Variants in ZNF804B observed in about 807,000 individuals in gnomAD.
The protein encoded by ZNF804B is zinc finger protein 804B.
In ZNF804B, 80 loss-of-function variants were observed where a neutral mutation model predicts 101.4. That is an observed-to-expected ratio of 0.79 (90% CI 0.66 to 0.95). The LOEUF is 0.95. Ranked by LOEUF, ZNF804B falls within the 40% of genes least tolerant of loss-of-function variation. The probability of loss-of-function intolerance (pLI) is 0.00; values close to 1 mark genes in which losing one functional copy is unlikely to be tolerated. For missense variants in ZNF804B, 1,673 were observed against 1,561.9 expected, an observed-to-expected ratio of 1.07 and a Z score of -1.20; for synonymous variants, 622 against 558.8, an observed-to-expected ratio of 1.11 and a Z score of -1.59.
intron 1 of ZNF804B, among the ~76,000 whole-genome samples, chr7:88,803,543 A>G (rs1443600458): frequency 6.6e-6 from 1 of 152,148 alleles, no homozygotes; most frequent in African/African-American, 2.4e-5. Context: ...GGTAGACAAG[A>G]CCTGATTCAC....
chr7:88,968,307 A>G (rs908561011), intron 1 of ZNF804B, among the ~76,000 whole-genome samples: 9 of 151,578 alleles, frequency 5.9e-5, no homozygotes, highest in Non-Finnish European at 1.3e-4. Context: ...GGCAGAAATT[A>G]GTGCACATGT....
intron 1 of ZNF804B, among the ~76,000 whole-genome samples, chr7:89,139,609 T>C (rs1451963595): frequency 6.6e-6 from 1 of 151,838 alleles, no homozygotes; most frequent in Non-Finnish European, 1.5e-5. Flanking sequence ...AGATTACATC[T>C]CAAAAAAAAG....
At chr7:89,067,634 C>T (rs1789472997) in intron 1 of ZNF804B, among the ~76,000 whole-genome samples, 1 of 152,042 alleles carries the variant, frequency 6.6e-6, no homozygotes, top group African/African-American at 2.4e-5. Flanking sequence ...TCTTGGAATT[C>T]ATACTCATTA....
intron 1 of ZNF804B, among the ~76,000 whole-genome samples, chr7:89,004,341 C>T (rs1788339147): frequency 6.6e-6 from 1 of 151,540 alleles, no homozygotes; most frequent in East Asian, 1.9e-4. Context: ...TTTGGAATCT[C>T]ATGAATAATT....
Position 89,131,375 on chromosome 7 carries a change from T to C in ZNF804B, c.109-86780T>C, listed in dbSNP as rs374319949. 9.2e-5 allele frequency among the ~76,000 whole-genome samples: 14 copies of C among 152,118 alleles called. No individual in the cohort carries two copies. In the East Asian group the frequency reaches 1.7e-3, roughly 19 times the overall value. Reference sequence around the variant, plus strand: ...TATTTTGATTTTAGAAGACAGATATTAGTGAGAAGTAATAAAATATTGCCA... The same window carrying C: ...TATTTTGATTTTAGAAGACAGATATCAGTGAGAAGTAATAAAATATTGCCA... On this transcript the variant is annotated intron_variant, in intron 1 of 3. Transcript: ENST00000333190.
intron 3 of ZNF804B, among the ~76,000 whole-genome samples, chr7:89,331,926 A>T (rs866763542): frequency 6.6e-6 from 1 of 151,546 alleles, no homozygotes; most frequent in Non-Finnish European, 1.5e-5. Context: ...TTAAATTGAA[A>T]GTGCCCAAGA....
At chr7:89,131,161 C>T (rs1790540838) in intron 1 of ZNF804B, among the ~76,000 whole-genome samples, 2 of 151,936 alleles carry the variant, frequency 1.3e-5, no homozygotes, top group African/African-American at 4.8e-5. Flanking sequence ...ATCAAATTGA[C>T]TTTATGCAGC....
At chr7:89,321,040 G>A (rs1033718230) in intron 2 of ZNF804B, among the ~76,000 whole-genome samples, 2 of 152,054 alleles carry the variant, frequency 1.3e-5, no homozygotes, top group African/African-American at 4.8e-5. Flanking sequence ...AATGCATCAA[G>A]TAAAATAATA....
At chr7:89,117,423 CT>C (rs536180539) in intron 1 of ZNF804B, among the ~76,000 whole-genome samples, 363 of 152,158 alleles carry the variant, frequency 2.4e-3, no homozygotes, top group Non-Finnish European at 3.7e-3. Context: ...GAAAATTTTC[CT>C]TCTAAGTTTC....
chr7:89,333,570 T>C lies in ZNF804B; in HGVS notation c.588T>C (p.Arg196=). 6.2e-7 allele frequency: 1 copy of C among 1,613,520 alleles called. No homozygotes were observed. The highest frequency in any genetic ancestry group is 8.5e-7 in the Non-Finnish European group (1 of 1,179,642). ...GACACCAATTACAATCAGACAGGCG[T>C]TGTTTGTTTGGAAATCAGGTACTGC... is the stretch of plus-strand genomic sequence containing the variant. ...PNRHQLQSDR[R]CLFGNQVLQT... Residue 196 remains arginine (R), a synonymous_variant, in exon 4 of 4, where the codon CGT becomes CGC. Coordinates refer to ENST00000333190, the MANE Select transcript of ZNF804B (RefSeq NM_181646.5).
Position 88,909,472 on chromosome 7 carries a change from T to TA in ZNF804B, c.108+149396dup, listed in dbSNP as rs1236900432. 4.6e-5 allele frequency among the ~76,000 whole-genome samples: 7 copies of TA among 151,748 alleles called. No individual in the cohort carries two copies. The South Asian group carries it at 1.0e-3, about 23-fold the overall frequency. ...AGGGTAGGTCTTTAAATAGGTGATT[T>TA]AAAAAAAATCTTCCTCTTTGTTTTT... On this transcript the variant is annotated intron_variant, in intron 1 of 3. Transcript: ENST00000333190.
rs55841922 is a variant in ZNF804B at position 88,857,822 on chromosome 7, C to CTTTTTTTTTTTTTTTTTTTTT, written c.108+97747_108+97767dup. 1.1e-4 allele frequency among the ~76,000 whole-genome samples: 9 copies of CTTTTTTTTTTTTTTTTTTTTT among 81,472 alleles called. 1 individual carries two copies. Among genetic ancestry groups the CTTTTTTTTTTTTTTTTTTTTT allele is most frequent in the African/African-American group, 3.2e-4 (6 of 18,868 alleles). The allele number at this position is 81,472 out of a possible 152,430, so 53.4% of individuals were successfully genotyped here. A position where few individuals can be genotyped will look rare whatever the true frequency, so the allele number is the denominator to read the frequency against. On this transcript the variant is annotated intron_variant, in intron 1 of 3. Coordinates refer to ENST00000333190, the MANE Select transcript of ZNF804B (RefSeq NM_181646.5). ...CTTTCTTTCTCCTTTCCTTTCTTTT[C>CTTTTTTTTTTTTTTTTTTTTT]TTTTTTTTTTTTTTTTTTTTTTTTT...
intron 1 of ZNF804B, among the ~76,000 whole-genome samples, chr7:88,832,691 C>T (rs1426018117): frequency 5.3e-5 from 8 of 151,642 alleles, no homozygotes; most frequent in African/African-American, 1.7e-4. Flanking sequence ...ATTGTTTGGC[C>T]GAAGATGTGT....
At chr7:88,890,201 A>G (rs529182628) in intron 1 of ZNF804B, among the ~76,000 whole-genome samples, 1 of 152,324 alleles carries the variant, frequency 6.6e-6, no homozygotes, top group African/African-American at 2.4e-5. Context: ...TACTCTTCAG[A>G]AATAATGACT....
Position 89,337,249 on chromosome 7 carries a change from A to C in ZNF804B, c.*217A>C, listed in dbSNP as rs1397921388. On this transcript the variant is annotated 3_prime_UTR_variant, in exon 4 of 4. Coordinates refer to ENST00000333190, the MANE Select transcript of ZNF804B (RefSeq NM_181646.5). ...ATAATAGGCAAATTTGAATAATTTT[A>C]TGAAAGCGTAGAGGGAAGAGGGAAA... Among the ~76,000 whole-genome samples the C allele has an allele frequency of 6.6e-6, 1 of 152,186 alleles. No homozygotes were observed. Among genetic ancestry groups the C allele is most frequent in the Non-Finnish European group, 1.5e-5 (1 of 68,024 alleles).
chr7:88,792,694 GT>G (rs1289410631), intron 1 of ZNF804B, among the ~76,000 whole-genome samples: 2 of 151,786 alleles, frequency 1.3e-5, no homozygotes, highest in Non-Finnish European at 2.9e-5. Flanking sequence ...AATATTAGGT[GT>G]TTTTTTCTAA....
chr7:88,823,968 C>A (rs961595902), intron 1 of ZNF804B, among the ~76,000 whole-genome samples: 1 of 152,110 alleles, frequency 6.6e-6, no homozygotes, highest in Non-Finnish European at 1.5e-5. Flanking sequence ...GGGACAGCTG[C>A]AGATGGCAAC....
intron 1 of ZNF804B, among the ~76,000 whole-genome samples, chr7:88,963,053 T>C (rs952222333): frequency 6.6e-5 from 10 of 150,992 alleles, no homozygotes; most frequent in African/African-American, 2.2e-4. Flanking sequence ...ACATTCCCTT[T>C]TCATGGACTA....
At position 89,264,012 on chromosome 7, in the gene ZNF804B, G is replaced by A. The variant is rs115620828; in HGVS notation, c.249+45717G>A. ...ATACACAATTTTAGCAGAAAATATT[G>A]TCTCTCATTTCACAGAAAATATTAA... On this transcript the variant is annotated intron_variant, in intron 2 of 3. Coordinates refer to ENST00000333190, the MANE Select transcript of ZNF804B (RefSeq NM_181646.5). Among the ~76,000 whole-genome samples the A allele has an allele frequency of 6.5e-3, 987 of 152,220 alleles. 10 individuals are homozygous for A. Among genetic ancestry groups the A allele is most frequent in the African/African-American group, 0.023 (957 of 41,534 alleles).
Sources: allele counts gnomAD v4.1 joint callset (sites outside exome capture counted in the v4.1 genomes callset), GRCh38; gene constraint gnomAD v4.1.1; transcripts MANE v1.5; gene names NCBI Gene and HGNC (gene_info 2026-07-23, HGNC 2026-07-21).